Variants in WSCD2 observed in about 807,000 individuals in gnomAD.
WSCD2 encodes WSC domain sialate O sulfotransferase 2, also known as sialate:O-sulfotransferase 2.
In WSCD2, 28 loss-of-function variants were observed where a neutral mutation model predicts 55.7. The observed-to-expected ratio is 0.50, with a 90% CI of 0.37 to 0.69. The LOEUF (loss-of-function observed/expected upper bound fraction) is 0.69. Among genes scored for constraint, WSCD2 ranks in the 30% least tolerant of loss-of-function variants. WSCD2 has a pLI of 0.00. For synonymous variants in WSCD2, 301 were observed against 301.9 expected, an observed-to-expected ratio of 1.00 and a Z score of 0.03; for missense variants, 616 against 762.1, an observed-to-expected ratio of 0.81 and a Z score of 2.26.
intron 4 of WSCD2, among the ~76,000 whole-genome samples, chr12:108,216,725 A>G (rs1426363): frequency 0.67 from 102,221 of 152,132 alleles, 34,718 homozygotes; most frequent in East Asian, 0.71. Context: ...AGAGCTCTGG[A>G]GGATGGTATT....
rs1890261124 is a variant in WSCD2, at chr12:108,248,737, G to A, written c.*394G>A. The A allele has an allele frequency of 1.0e-6, 1 of 1,002,964 alleles. No individual in the cohort carries two copies. Among genetic ancestry groups the A allele is most frequent in the Non-Finnish European group, 1.2e-6 (1 of 839,560 alleles). 62.1% of individuals were successfully genotyped at this position (1,002,964 alleles called of 1,614,324 possible). On this transcript the variant is annotated 3_prime_UTR_variant, in exon 9 of 9. Coordinates refer to ENST00000547525, the MANE Select transcript of WSCD2 (RefSeq NM_014653.4). The surrounding 1 kb of genome is among the most constrained non-coding windows in gnomAD (Gnocchi z 4.3). ...GGCTCTTGATGCAAGAGCCCAGGGG[G>A]CTATTGTAAAAACTTGGCCCCAGAT... is the stretch of plus-strand genomic sequence containing the variant.
At chr12:108,198,972 A>C (rs1884315284) in intron 2 of WSCD2, among the ~76,000 whole-genome samples, 1 of 152,350 alleles carries the variant, frequency 6.6e-6, no homozygotes, top group Admixed American at 6.5e-5. Context: ...GCTTGTGAGC[A>C]TTCTTCTATA....
Position 108,145,234 on chromosome 12 carries a change from C to A in WSCD2, c.-552+15308C>A, listed in dbSNP as rs575780999. ...CCCCCACCCCTCTTCACCTAATTAA[C>A]TGCAGCTCCTCCTTCAGGTCTTGGG... On this transcript the variant is annotated intron_variant, in intron 1 of 8. Transcript: ENST00000547525. Among the ~76,000 whole-genome samples the A allele has an allele frequency of 3.7e-4, 57 of 152,316 alleles. 1 individual carries two copies. The highest frequency in any genetic ancestry group is 1.1e-3 in the African/African-American group (46 of 41,558).
Position 108,226,982 on chromosome 12 carries a change from A to G in WSCD2, c.805-8A>G. 1 of 1,611,814 alleles carries G rather than the reference A, an allele frequency of 6.2e-7. No individual in the cohort carries two copies. Among genetic ancestry groups the G allele is most frequent in the Non-Finnish European group, 8.5e-7 (1 of 1,179,058 alleles). ...TCTCTTCCTCTTCTTCTCCCACTCC[A>G]TCCCCAGGAGTACCCGCTGGCAGCT... On this transcript the variant is annotated splice_polypyrimidine_tract_variant and splice_region_variant and intron_variant, in intron 5 of 8. Coordinates refer to ENST00000547525, the MANE Select transcript of WSCD2 (RefSeq NM_014653.4).
chr12:108,234,272 G>C (rs567408474), intron 7 of WSCD2, among the ~76,000 whole-genome samples: 1 of 152,220 alleles, frequency 6.6e-6, no homozygotes, highest in Non-Finnish European at 1.5e-5. Flanking sequence ...GCACTAACCA[G>C]GCACAGCTTG....
At chr12:108,150,983 T>C (rs1210777533) in intron 1 of WSCD2, among the ~76,000 whole-genome samples, 2 of 152,006 alleles carry the variant, frequency 1.3e-5, no homozygotes, top group African/African-American at 4.8e-5. Context: ...CATCTGAGCG[T>C]GAGCCCACGC....
chr12:108,227,991 T>A (rs1888327045), intron 6 of WSCD2, among the ~76,000 whole-genome samples: 1 of 151,922 alleles, frequency 6.6e-6, no homozygotes. Context: ...CATATACATG[T>A]TTTCATTAAA....
At chr12:108,213,991 G>A (rs542870353) in intron 4 of WSCD2, among the ~76,000 whole-genome samples, 2 of 152,142 alleles carry the variant, frequency 1.3e-5, no homozygotes, top group Non-Finnish European at 2.9e-5. Context: ...CTGACTCAGT[G>A]GTGCCTTCGA....
At chr12:108,189,853 C>T (rs1882943043) in intron 1 of WSCD2, 1 of 152,090 alleles carries the variant, frequency 6.6e-6, no homozygotes, top group Non-Finnish European at 1.5e-5. Flanking sequence ...AAGAGGAATC[C>T]ATTCTATCCA....
At chr12:108,149,649 G>C (rs1010180536) in intron 1 of WSCD2, among the ~76,000 whole-genome samples, 4 of 152,174 alleles carry the variant, frequency 2.6e-5, no homozygotes, top group Admixed American at 6.5e-5. Flanking sequence ...GATGGTGATG[G>C]TGTGACCATG....
intron 1 of WSCD2, among the ~76,000 whole-genome samples, chr12:108,151,012 C>T (rs973610893): frequency 1.4e-4 from 22 of 151,920 alleles, no homozygotes; most frequent in African/African-American, 2.2e-4. Context: ...CTTGGTGCCC[C>T]GGTGCTCAGC....
intron 1 of WSCD2, among the ~76,000 whole-genome samples, chr12:108,138,198 C>T (rs1236682229): frequency 3.3e-5 from 5 of 152,176 alleles, no homozygotes; most frequent in Non-Finnish European, 7.3e-5. Context: ...GAGGTTCTAT[C>T]GTTTGATGGC....
chr12:108,153,069 C>T (rs1436314251), intron 1 of WSCD2, among the ~76,000 whole-genome samples: 1 of 151,886 alleles, frequency 6.6e-6, no homozygotes, highest in Non-Finnish European at 1.5e-5. Flanking sequence ...CACCACTGCA[C>T]TCCAGCCTGG....
chr12:108,189,077 T>A (rs1013450190), intron 1 of WSCD2, among the ~76,000 whole-genome samples: 2 of 152,212 alleles, frequency 1.3e-5, no homozygotes. Context: ...GGAAATATTT[T>A]ACATGTCTAT....
At chr12:108,222,480 G>T (rs1887636534) in intron 4 of WSCD2, among the ~76,000 whole-genome samples, 1 of 152,224 alleles carries the variant, frequency 6.6e-6, no homozygotes, top group Admixed American at 6.5e-5. Context: ...CACATAATAG[G>T]TATTCAATAA....
chr12:108,203,294 T>A (rs1049709235), intron 2 of WSCD2, among the ~76,000 whole-genome samples: 4 of 152,234 alleles, frequency 2.6e-5, no homozygotes, highest in Non-Finnish European at 5.9e-5. Context: ...GGTGGTCTTC[T>A]TCCTGTCACT....
chr12:108,149,899 C>A (rs1877794421), intron 1 of WSCD2: 1 of 152,148 alleles, frequency 6.6e-6, no homozygotes, highest in Non-Finnish European at 1.5e-5. Context: ...TCTCCACAAC[C>A]CTAAGAGGTA....
At chr12:108,172,812 T>C (rs1267347949) in intron 1 of WSCD2, among the ~76,000 whole-genome samples, 1 of 152,138 alleles carries the variant, frequency 6.6e-6, no homozygotes, top group Non-Finnish European at 1.5e-5. Flanking sequence ...CCACCCAGTT[T>C]GCAGTAATTT....
In WSCD2 at chr12:108,210,269, T is replaced by C. The variant is rs1196011361; in HGVS notation, c.646T>C (p.Tyr216His). 6.2e-7 allele frequency: 1 copy of C among 1,605,752 alleles called. No individual in the cohort carries two copies. The highest frequency in any genetic ancestry group is 2.3e-5 in the East Asian group (1 of 44,412). ...VCGGANRLSV[Y>H]RLQLAQESAR... is the part of the protein sequence containing the mutation. ...CGGCGGCGCCAACCGCCTCTCTGTC[T>C]ACCGGCTGCAGCTGGCCCAGGAGTC... The change falls in exon 4 of 9, where the codon TAC becomes CAC. Residue 216 changes from tyrosine (Y) to histidine (H), a missense_variant. Around this residue, in one of 3 missense-constraint regions of WSCD2, gnomAD observed 374 missense variants for 467.4 expected, o/e 0.80. Coordinates refer to ENST00000547525, the MANE Select transcript of WSCD2 (RefSeq NM_014653.4). The surrounding 1 kb of genome is among the most constrained non-coding windows in gnomAD (Gnocchi z 4.3).
Sources: allele counts gnomAD v4.1 joint callset (sites outside exome capture counted in the v4.1 genomes callset), GRCh38; gene constraint gnomAD v4.1.1; regional missense constraint gnomAD v4.1.1; non-coding constraint Gnocchi (gnomAD v3.1); transcripts MANE v1.5; gene names NCBI Gene and HGNC (gene_info 2026-07-23, HGNC 2026-07-21).